The following IL1RAPL2 variants were observed in gnomAD, a reference collection of about 807,000 sequenced individuals.
The protein encoded by IL1RAPL2 is X-linked interleukin-1 receptor accessory protein-like 2.
A neutral mutation model predicts 44.1 loss-of-function variants in IL1RAPL2; 3 were observed. The observed-to-expected ratio is 0.07, with a 90% confidence interval of 0.03 to 0.18. The LOEUF (loss-of-function observed/expected upper bound fraction) is 0.18, where lower values mean the gene tolerates loss of function less well. IL1RAPL2 is among the 10% of genes least tolerant of loss of function. The probability of loss-of-function intolerance (pLI) is 1.00; values close to 1 mark genes in which losing one functional copy is unlikely to be tolerated. For missense variants in IL1RAPL2, 391 were observed against 496.4 expected (o/e 0.79, Z 2.02); for synonymous variants, 181 against 178.8 (o/e 1.01, Z -0.10).
At chrX:104,828,383 T>A (rs1195497408) in intron 2 of IL1RAPL2, among the ~76,000 whole-genome samples, 1 of 112,182 alleles carries the variant, frequency 8.9e-6, no homozygotes, top group Non-Finnish European at 1.9e-5. Flanking sequence ...ACAGTTAGGC[T>A]CCTCTTCTGC....
intron 6 of IL1RAPL2, among the ~76,000 whole-genome samples, chrX:105,655,463 A>C (rs1441397802): frequency 3.5e-5 from 4 of 112,819 alleles, no homozygotes; most frequent in African/African-American, 1.3e-4. Flanking sequence ...TAAGCTCTGT[A>C]ATCTGTTGCT....
chrX:105,414,135 C>CTT (rs779378937), intron 5 of IL1RAPL2, among the ~76,000 whole-genome samples: 3 of 107,013 alleles, frequency 2.8e-5, no homozygotes, highest in African/African-American at 6.8e-5. Context: ...CTATCATTTT[C>CTT]TTTTTTTTTT....
chrX:105,494,763 T>G (rs1468700691), intron 6 of IL1RAPL2, among the ~76,000 whole-genome samples: 1 of 111,365 alleles, frequency 9.0e-6, no homozygotes, highest in Non-Finnish European at 1.9e-5. Context: ...CAAGTGATCC[T>G]CCTGTCTCAG....
At chrX:104,606,908 C>G (rs1929027210) in intron 1 of IL1RAPL2, among the ~76,000 whole-genome samples, 1 of 111,496 alleles carries the variant, frequency 9.0e-6, no homozygotes, top group Non-Finnish European at 1.9e-5. Flanking sequence ...CATATGGAAC[C>G]AAAAAAGAGC....
intron 2 of IL1RAPL2, among the ~76,000 whole-genome samples, chrX:104,802,764 T>C (rs1242978674): frequency 7.1e-5 from 8 of 111,995 alleles, no homozygotes; most frequent in Non-Finnish European, 1.1e-4. Context: ...ATTTATTTTC[T>C]ATTAAAGCAG....
intron 2 of IL1RAPL2, among the ~76,000 whole-genome samples, chrX:104,919,629 C>T (rs1470356472): frequency 9.5e-6 from 1 of 104,804 alleles, no homozygotes; most frequent in Non-Finnish European, 1.9e-5. Context: ...CTCCTGGGTT[C>T]AAGTGATTCT....
At chrX:105,515,384 C>T (rs772006844) in intron 6 of IL1RAPL2, among the ~76,000 whole-genome samples, 1 of 111,961 alleles carries the variant, frequency 8.9e-6, no homozygotes, top group African/African-American at 3.2e-5. Context: ...AGGCTGCAAA[C>T]CTGTTTATCA....
chrX:105,161,248 C>T (rs1363050734), intron 2 of IL1RAPL2, among the ~76,000 whole-genome samples: 4 of 85,215 alleles, frequency 4.7e-5, no homozygotes, highest in African/African-American at 4.8e-5. Flanking sequence ...ATAATAATTG[C>T]GTGTGCTTAA....
intron 6 of IL1RAPL2, among the ~76,000 whole-genome samples, chrX:105,696,526 A>G (rs2038077322): frequency 8.9e-6 from 1 of 111,732 alleles, no homozygotes; most frequent in Admixed American, 9.5e-5. Context: ...GAATAAATAT[A>G]GGACACCACA....
At chrX:105,090,618 T>G (rs2032533637) in intron 2 of IL1RAPL2, among the ~76,000 whole-genome samples, 1 of 112,316 alleles carries the variant, frequency 8.9e-6, no homozygotes, top group Admixed American at 9.4e-5. Flanking sequence ...TCAACTTCTC[T>G]TAGAGCCTAT....
intron 2 of IL1RAPL2, among the ~76,000 whole-genome samples, chrX:104,993,374 C>G (rs950258986): frequency 9.0e-6 from 1 of 111,360 alleles, no homozygotes; most frequent in Non-Finnish European, 1.9e-5. Context: ...CTTATGTATA[C>G]AAGCCAATAT....
At chrX:105,075,146 T>A (rs1291887959) in intron 2 of IL1RAPL2, among the ~76,000 whole-genome samples, 1 of 111,375 alleles carries the variant, frequency 9.0e-6, no homozygotes, top group Non-Finnish European at 1.9e-5. Flanking sequence ...GCTTCCAGTT[T>A]TTGCCCATTC....
intron 2 of IL1RAPL2, among the ~76,000 whole-genome samples, chrX:105,041,804 T>TCA (rs1767579365): frequency 9.1e-6 from 1 of 110,057 alleles, no homozygotes; most frequent in South Asian, 3.9e-4. Flanking sequence ...GCTGGAGGCA[T>TCA]CACGCTACCT....
intron 2 of IL1RAPL2, among the ~76,000 whole-genome samples, chrX:104,884,320 A>C (rs901731775): frequency 9.0e-6 from 1 of 111,695 alleles, no homozygotes; most frequent in Non-Finnish European, 1.9e-5. Context: ...AACTATTCCA[A>C]TCAGCAGGGT....
At chrX:104,639,702 T>C (rs763204707) in intron 1 of IL1RAPL2, among the ~76,000 whole-genome samples, 8 of 111,402 alleles carry the variant, frequency 7.2e-5, no homozygotes, top group African/African-American at 2.6e-4. Context: ...CATCTAATGG[T>C]AATGAATTTA....
At chrX:105,411,363 G>T (rs767253165) in intron 5 of IL1RAPL2, among the ~76,000 whole-genome samples, 2 of 111,391 alleles carry the variant, frequency 1.8e-5, no homozygotes, top group South Asian at 7.5e-4. Context: ...GAAAGATATA[G>T]AGTAGATGAA....
At chrX:104,982,059 G>A (rs965002725) in intron 2 of IL1RAPL2, among the ~76,000 whole-genome samples, 4 of 110,447 alleles carry the variant, frequency 3.6e-5, no homozygotes, top group African/African-American at 1.3e-4. Flanking sequence ...TATTACCTGG[G>A]TGACAAAATA....
chrX:105,318,305 AG>A (rs1363245151), intron 5 of IL1RAPL2, among the ~76,000 whole-genome samples: 8 of 111,749 alleles, frequency 7.2e-5, no homozygotes, highest in African/African-American at 2.3e-4. Flanking sequence ...CTGTGTGCTG[AG>A]AACACTTAGG....
chrX:105,085,998 AG>A (rs2032474741), intron 2 of IL1RAPL2, among the ~76,000 whole-genome samples: 1 of 111,366 alleles, frequency 9.0e-6, no homozygotes, highest in Non-Finnish European at 1.9e-5. Flanking sequence ...GAGGAGAAGG[AG>A]GAAGAGGAGG....
Sources: allele counts gnomAD v4.1 joint callset (sites outside exome capture counted in the v4.1 genomes callset), GRCh38; gene constraint gnomAD v4.1.1; transcripts MANE v1.5; gene names NCBI Gene and HGNC (gene_info 2026-07-23, HGNC 2026-07-21).